Variants in PIGO observed in about 807,000 individuals in gnomAD.
The protein encoded by PIGO is phosphatidylinositol glycan anchor biosynthesis class O.
In PIGO, 66 loss-of-function variants were observed where a neutral mutation model predicts 86.9. The ratio of observed to expected loss-of-function variants is 0.76; its 90% CI spans 0.62 to 0.93. The LOEUF is 0.93. Ranked by LOEUF, PIGO falls within the 40% of genes least tolerant of loss-of-function variation. The probability of loss-of-function intolerance (pLI) is 0.00; values close to 1 mark genes in which losing one functional copy is unlikely to be tolerated. For missense variants in PIGO, 1,202 were observed against 1,359.1 expected (o/e 0.88, Z 1.82); for synonymous variants, 570 against 556.4 (o/e 1.02, Z -0.34).
rs1829642927 is a variant in PIGO, at chr9:35,095,732, G to A, written c.-1-166C>T. On this transcript the variant is annotated intron_variant, in intron 1 of 10. Transcript: ENST00000378617. ...CAATATTACTCTCCTCCTATTTCCA[G>A]GCTGGGCATGGTGGCTCACGCCTGT... 1.4e-5 allele frequency: 14 copies of A among 968,148 alleles called. No individual in the cohort carries two copies. In the South Asian group the frequency reaches 2.5e-4, roughly 17 times the overall value. The allele number at this position is 968,148 out of a possible 1,614,324, so 60.0% of individuals were successfully genotyped here.
In PIGO at chr9:35,091,857, A is replaced by G. The variant is rs1587164392; in HGVS notation, c.2030T>C (p.Leu677Pro). The G allele has an allele frequency of 4.3e-6, 7 of 1,614,052 alleles. No individual in the cohort carries two copies. The Admixed American group carries it at 5.0e-5, about 12-fold the overall frequency. ...NLWYGACVAA[L>P]VALLAAVRLW... ...GCGCACGGCAGCTAACAGGGCCACC[A>G]GCGCCGCCACACAAGCTCCATACCA... The change falls in exon 7 of 11, where the codon CTG (leucine) becomes CCG (proline). Residue 677 changes from leucine to proline, a missense_variant. Leu to Pro is a moderately conservative substitution (Grantham distance 98). Transcript: ENST00000378617.
intron 1 of PIGO, chr9:35,095,785 G>A (rs1201104731): frequency 1.4e-5 from 8 of 564,320 alleles, no homozygotes; most frequent in South Asian, 5.3e-5. Context: ...AGGCCGAGGC[G>A]GGCGGATCAC....
In PIGO at chr9:35,090,105, C is replaced by T. The variant is rs779076852; in HGVS notation, c.3030G>A (p.Leu1010=). The T allele has an allele frequency of 6.2e-7, 1 of 1,614,228 alleles. No homozygotes were observed. Among genetic ancestry groups the T allele is most frequent in the East Asian group, 2.2e-5 (1 of 44,894 alleles). The change falls in exon 9 of 11, where the codon CTG becomes CTA. Residue 1010 remains leucine, a synonymous_variant. Coordinates refer to ENST00000378617, the MANE Select transcript of PIGO (RefSeq NM_032634.4). ...TAAAGAGGTACTTGAGGCCCAGCTG[C>T]AGCAGTGCTGCATAGAAGTGCTGAG... ...DAPQHFYAAL[L]QLGLKYLFIL...
intron 1 of PIGO, 182 bp downstream of exon 1, chr9:35,095,973 G>C (rs761374005): frequency 1.7e-5 from 3 of 176,048 alleles, no homozygotes; most frequent in Middle Eastern, 2.6e-3. Context: ...CACTGCACTA[G>C]AGTCTGGACA....
Position 35,089,711 on chromosome 9 carries a change from G to A in PIGO, c.3070-261C>T, listed in dbSNP as rs1357774736. ...AGGCTGTGCCCCCAGGATGGAGGAA[G>A]ATATCAGTGCCACATCTGCCTCTGG... On this transcript the variant is annotated intron_variant, in intron 9 of 10. Coordinates refer to ENST00000378617, the MANE Select transcript of PIGO (RefSeq NM_032634.4). 4.3e-6 allele frequency: 6 copies of A among 1,407,886 alleles called. No homozygotes were observed. The African/African-American group carries it at 8.7e-5, about 20-fold the overall frequency. 87.2% of individuals were successfully genotyped at this position (1,407,886 alleles called of 1,614,324 possible).
At chr9:35,091,207 T>C (rs1219972176) in intron 7 of PIGO, 33 bp downstream of exon 7, 1 of 1,538,024 alleles carries the variant, frequency 6.5e-7, no homozygotes, top group Non-Finnish European at 8.8e-7. Context: ...ACATCACTAT[T>C]GTCTTTAAGT....
At chr9:35,090,837 C>A in intron 7 of PIGO, 165 bp from the exon 8 acceptor site, 1 of 714,124 alleles carries the variant, frequency 1.4e-6, no homozygotes, top group South Asian at 2.0e-5. Flanking sequence ...TTCTAATTCT[C>A]TCTGTGGTAC....
chr9:35,089,678 T>C, intron 9 of PIGO: 1 of 1,425,144 alleles, frequency 7.0e-7, no homozygotes. Flanking sequence ...TCTGCAATGC[T>C]AACACTCAGG....
At chr9:35,095,671 T>C in intron 1 of PIGO, 105 bp from the exon 2 acceptor site, 1 of 1,332,994 alleles carries the variant, frequency 7.5e-7, no homozygotes, top group Admixed American at 2.9e-5. Flanking sequence ...CCCGGAAACC[T>C]TCCTGGAGAT....
chr9:35,093,271 G>A, intron 5 of PIGO, 62 bp from the exon 6 acceptor site: 1 of 1,578,614 alleles, frequency 6.3e-7, no homozygotes, highest in Non-Finnish European at 8.6e-7. Context: ...GTTTGGGATG[G>A]CAGACATAGG....
chr9:35,095,781 A>AG, intron 1 of PIGO: 1 of 579,318 alleles, frequency 1.7e-6, no homozygotes, highest in Non-Finnish European at 2.8e-6. Flanking sequence ...TGGGAGGCCG[A>AG]GGCGGGCGGA....
At chr9:35,089,290 C>T in intron 10 of PIGO, 69 bp from the exon 11 acceptor site, 1 of 1,613,310 alleles carries the variant, frequency 6.2e-7, no homozygotes, top group Non-Finnish European at 8.5e-7. Flanking sequence ...AGAGGCAAAA[C>T]CTTGGCCATC....
chr9:35,094,771 CT>C (rs1829588710), intron 2 of PIGO, among the ~76,000 whole-genome samples: 1 of 152,226 alleles, frequency 6.6e-6, no homozygotes, highest in Non-Finnish European at 1.5e-5. Context: ...AAGAATAAAA[CT>C]TACACTCCAT....
At chr9:35,089,314 A>G in intron 10 of PIGO, 66 bp downstream of exon 10, 2 of 1,613,576 alleles carry the variant, frequency 1.2e-6, no homozygotes, top group Non-Finnish European at 1.7e-6. Context: ...GATGTTTAGG[A>G]TCTTCATACT....
In PIGO at chr9:35,090,167, C is replaced by G; in HGVS notation, c.2968G>C (p.Glu990Gln). Reference protein sequence around the residue: ...ADARVRPEEEEEPLMEMRLRD... With the variant: ...ADARVRPEEEQEPLMEMRLRD... ...AGCCGCATCTCCATCAGTGGCTCCTCTTCCTCCTCGGGTCTGACTCTGGCA... is the reference window on the plus strand; with the variant it reads ...AGCCGCATCTCCATCAGTGGCTCCTGTTCCTCCTCGGGTCTGACTCTGGCA... The change falls in exon 9 of 11, where the codon GAG becomes CAG. Residue 990 changes from glutamate (E) to glutamine (Q), a missense_variant. Glu to Gln is a conservative substitution (Grantham distance 29). Coordinates refer to ENST00000378617, the MANE Select transcript of PIGO (RefSeq NM_032634.4). 3 of 1,614,238 alleles carry G rather than the reference C, an allele frequency of 1.9e-6. No individual in the cohort carries two copies. Among genetic ancestry groups the G allele is most frequent in the Non-Finnish European group, 2.5e-6 (3 of 1,180,040 alleles).
chr9:35,091,429 G>A lies in PIGO; in HGVS notation c.2458C>T (p.Pro820Ser), dbSNP rs1413004957. The change falls in exon 7 of 11, where the codon CCC becomes TCC. Residue 820 changes from proline to serine, a missense_variant. Coordinates refer to ENST00000378617, the MANE Select transcript of PIGO (RefSeq NM_032634.4). The stretch of plus-strand genomic sequence containing the variant: ...AACTGATAAGCAGCCACAGTCAGGG[G>A]ACCCTGAGATTTGGTCCTCTCTAAC... ...GRLERTKSQG[P>S]LTVAAYQLGS... 4 of 1,614,108 alleles carry A rather than the reference G, an allele frequency of 2.5e-6. No homozygotes were observed. The Admixed American group carries it at 6.7e-5, about 27-fold the overall frequency.
Position 35,091,818 on chromosome 9 carries a change from C to T in PIGO, c.2069G>A (p.Arg690His), listed in dbSNP as rs778578535. Residue 690 changes from arginine (R) to histidine (H), a missense_variant, in exon 7 of 11, where the codon CGC (arginine) becomes CAC (histidine). Arg to His is a conservative substitution (Grantham distance 29). Transcript: ENST00000378617. ...CTCGGGGCTCTTGAGATTACCATAG[C>T]GGCGAAGCCACAAGCGCACGGCAGC... ...LLAAVRLWLR[R>H]YGNLKSPEPP... The T allele has an allele frequency of 6.2e-6, 10 of 1,613,458 alleles. No homozygotes were observed. Among genetic ancestry groups the T allele is most frequent in the Non-Finnish European group, 7.6e-6 (9 of 1,180,022 alleles).
intron 6 of PIGO, 75 bp downstream of exon 6, chr9:35,092,955 C>G (rs545095023): frequency 1.1e-4 from 167 of 1,506,488 alleles, no homozygotes; most frequent in Middle Eastern, 2.3e-4. Flanking sequence ...AGTCAAAGGA[C>G]AAAAGAGTGG....
Position 35,095,361 on chromosome 9 carries a change from G to T in PIGO, c.205C>A (p.Arg69=). 1.9e-6 allele frequency: 3 copies of T among 1,614,130 alleles called. No individual in the cohort carries two copies. The highest frequency in any genetic ancestry group is 2.5e-6 in the Non-Finnish European group (3 of 1,180,026). ...GACWMASRFS[R]VVLVLIDALR... ...GCATCTATCAGCACCAACACAACCC[G>T]CGAAAATCGGGAAGCCATCCAGCAG... Residue 69 remains arginine (R), a synonymous_variant, in exon 2 of 11, where the codon CGG becomes AGG. Transcript: ENST00000378617.
Sources: allele counts gnomAD v4.1 joint callset (sites outside exome capture counted in the v4.1 genomes callset), GRCh38; gene constraint gnomAD v4.1.1; transcripts MANE v1.5; gene names NCBI Gene and HGNC (gene_info 2026-07-23, HGNC 2026-07-21).